Variants in KIAA1549L observed in about 807,000 individuals in gnomAD.
The protein encoded by KIAA1549L is UPF0606 protein KIAA1549L.
A neutral mutation model predicts 160.7 loss-of-function variants in KIAA1549L; 88 were observed. That is an observed-to-expected ratio of 0.55 (90% CI 0.46 to 0.65). KIAA1549L has a LOEUF of 0.65. Ranked by LOEUF, KIAA1549L falls within the 30% of genes least tolerant of loss-of-function variation. KIAA1549L has a pLI of 0.00. For synonymous variants in KIAA1549L, 950 were observed against 976.7 expected (o/e 0.97, Z 0.51); for missense variants, 2,258 against 2,437.5 (o/e 0.93, Z 1.55).
intron 1 of KIAA1549L, among the ~76,000 whole-genome samples, chr11:33,512,243 G>A (rs1853243351): frequency 6.6e-6 from 1 of 152,192 alleles, no homozygotes; most frequent in African/African-American, 2.4e-5. Context: ...TTCTTAGAGT[G>A]ATTGGAAGGT....
rs565888600 is a variant in KIAA1549L at position 33,629,608 on chromosome 11, G to C, written c.5409+10946G>C. Among the ~76,000 whole-genome samples the C allele has an allele frequency of 4.8e-3, 715 of 150,318 alleles. 3 individuals carry two copies. The highest frequency in any genetic ancestry group is 8.0e-3 in the Non-Finnish European group (543 of 67,564). On this transcript the variant is annotated intron_variant, in intron 16 of 20. Transcript: ENST00000658780. ...CTCCTGAGGCTTCTGCATTCTTCACGTAGTTCTCGAGCCTTGGTTTTCAGC... is the reference window on the plus strand; with the variant it reads ...CTCCTGAGGCTTCTGCATTCTTCACCTAGTTCTCGAGCCTTGGTTTTCAGC...
At chr11:33,494,019 G>A (rs928658661) in intron 1 of KIAA1549L, among the ~76,000 whole-genome samples, 1 of 152,204 alleles carries the variant, frequency 6.6e-6, no homozygotes, top group Non-Finnish European at 1.5e-5. Context: ...GGTGATTCCA[G>A]TGTGCAAGAA....
chr11:33,603,039 G>T lies in KIAA1549L; in HGVS notation c.4880-3602G>T, dbSNP rs185155661. On this transcript the variant is annotated intron_variant, in intron 13 of 20. Transcript: ENST00000658780. ...TCCAGAAGTGATAAAAATGCTAAGTGCCATCTCTTCACCCTCTGATGGGTT... is the reference window on the plus strand; with the variant it reads ...TCCAGAAGTGATAAAAATGCTAAGTTCCATCTCTTCACCCTCTGATGGGTT... 4.8e-3 allele frequency among the ~76,000 whole-genome samples: 723 copies of T among 152,206 alleles called. 2 individuals are homozygous for T. Among genetic ancestry groups the T allele is most frequent in the Non-Finnish European group, 7.5e-3 (509 of 67,992 alleles).
chr11:33,626,434 C>A (rs1245701905), intron 16 of KIAA1549L, among the ~76,000 whole-genome samples: 3 of 150,478 alleles, frequency 2.0e-5, no homozygotes, highest in Admixed American at 1.3e-4. Context: ...CTTTTATTTC[C>A]TTGAGCAGCG....
intron 1 of KIAA1549L, among the ~76,000 whole-genome samples, chr11:33,379,907 G>C (rs1477790251): frequency 6.6e-6 from 1 of 152,200 alleles, no homozygotes; most frequent in Non-Finnish European, 1.5e-5. Context: ...GGTGAATAAG[G>C]ACGAGGCAGT....
chr11:33,478,407 G>C (rs138501367), intron 1 of KIAA1549L, among the ~76,000 whole-genome samples: 6 of 152,344 alleles, frequency 3.9e-5, no homozygotes, highest in African/African-American at 1.4e-4. Context: ...GCCTGAACCC[G>C]TTGGGGGAGG....
chr11:33,377,912 C>T (rs976496915), intron 1 of KIAA1549L, among the ~76,000 whole-genome samples: 4 of 152,116 alleles, frequency 2.6e-5, no homozygotes. Context: ...GCCCATTTTC[C>T]TTCGATTCAC....
intron 1 of KIAA1549L, among the ~76,000 whole-genome samples, chr11:33,539,691 C>A (rs999522895): frequency 6.6e-6 from 1 of 152,110 alleles, no homozygotes; most frequent in Admixed American, 6.5e-5. Flanking sequence ...AAAGAAAGTT[C>A]CGGAGAGTCT....
intron 20 of KIAA1549L, among the ~76,000 whole-genome samples, chr11:33,667,045 C>T (rs549651055): frequency 6.6e-6 from 1 of 152,160 alleles, no homozygotes; most frequent in Non-Finnish European, 1.5e-5. Flanking sequence ...AATAAGGTAA[C>T]TAAGTGCTGG....
Position 33,645,677 on chromosome 11 carries a change from C to G in KIAA1549L, c.5410-9C>G. 6.2e-7 allele frequency: 1 copy of G among 1,602,440 alleles called. No homozygotes were observed. The highest frequency in any genetic ancestry group is 8.5e-7 in the Non-Finnish European group (1 of 1,170,018). The stretch of plus-strand genomic sequence containing the variant: ...TAAACACATCAATGGGCTTTGTTTC[C>G]TCCCACAGACTGAGCCTGAAATCAT... On this transcript the variant is annotated splice_polypyrimidine_tract_variant and intron_variant, in intron 16 of 20. Transcript: ENST00000658780.
chr11:33,589,842 C>T (rs958577166), intron 11 of KIAA1549L, among the ~76,000 whole-genome samples: 12 of 152,122 alleles, frequency 7.9e-5, no homozygotes, highest in African/African-American at 2.4e-4. Flanking sequence ...AGCACACCAA[C>T]GTGGCACATG....
chr11:33,644,631 A>C (rs369477943), intron 16 of KIAA1549L, among the ~76,000 whole-genome samples: 3 of 152,274 alleles, frequency 2.0e-5, no homozygotes, highest in African/African-American at 7.2e-5. Flanking sequence ...CTCATTTTAC[A>C]GATGAGGAAA....
At chr11:33,417,633 C>G (rs1850914962) in intron 1 of KIAA1549L, among the ~76,000 whole-genome samples, 1 of 152,180 alleles carries the variant, frequency 6.6e-6, no homozygotes, top group Non-Finnish European at 1.5e-5. Context: ...TCCAACATCT[C>G]ATGGCTGCAT....
At chr11:33,504,510 C>T (rs568206505) in intron 1 of KIAA1549L, among the ~76,000 whole-genome samples, 1 of 151,998 alleles carries the variant, frequency 6.6e-6, no homozygotes, top group East Asian at 1.9e-4. Flanking sequence ...CTCTGTTGCC[C>T]AGGCTGGAGC....
chr11:33,654,521 A>T (rs767500214), intron 17 of KIAA1549L, among the ~76,000 whole-genome samples: 22 of 152,168 alleles, frequency 1.4e-4, no homozygotes, highest in Non-Finnish European at 2.9e-4. Context: ...CTTCTGCCTG[A>T]GCTGGGATCA....
Position 33,542,696 on chromosome 11 carries a change from A to T in KIAA1549L, c.1133A>T (p.Glu378Val), listed in dbSNP as rs376582725. The change falls in exon 2 of 21, where the codon GAA becomes GTA. Residue 378 changes from glutamate to valine, a missense_variant. Glu to Val is a moderately radical substitution (Grantham distance 121). Around this residue, in one of 6 missense-constraint regions of KIAA1549L, gnomAD observed 540 missense variants for 465.7 expected, o/e 1.16. Coordinates refer to ENST00000658780, the MANE Select transcript of KIAA1549L (RefSeq NM_012194.3). ...GGAAGCCCCTCATGGTCAATGTTGGAAGTGGCTTCAGGTCCTGCATCCACC... is the reference window on the plus strand; with the variant it reads ...GGAAGCCCCTCATGGTCAATGTTGGTAGTGGCTTCAGGTCCTGCATCCACC... ...PDGSPSWSML[E>V]VASGPASTQQ... 6.2e-7 allele frequency: 1 copy of T among 1,613,946 alleles called. No homozygotes were observed. Among genetic ancestry groups the T allele is most frequent in the Non-Finnish European group, 8.5e-7 (1 of 1,179,850 alleles).
chr11:33,406,721 T>A (rs531344806), intron 1 of KIAA1549L, among the ~76,000 whole-genome samples: 1 of 152,364 alleles, frequency 6.6e-6, no homozygotes, highest in Admixed American at 6.5e-5. Flanking sequence ...TCACTGCATC[T>A]TTCTTCACGA....
At chr11:33,554,125 A>G (rs986619081) in intron 6 of KIAA1549L, among the ~76,000 whole-genome samples, 1 of 152,180 alleles carries the variant, frequency 6.6e-6, no homozygotes, top group South Asian at 2.1e-4. Flanking sequence ...TATATTATGC[A>G]TGGTAACTTC....
At chr11:33,504,634 A>G (rs185073682) in intron 1 of KIAA1549L, among the ~76,000 whole-genome samples, 110 of 151,974 alleles carry the variant, frequency 7.2e-4, no homozygotes, top group Non-Finnish European at 1.0e-3. Context: ...CACCCAGCTA[A>G]TTTTTGTATC....
Sources: gnomAD v4.1 joint callset for allele counts (sites outside exome capture counted in the v4.1 genomes callset) on GRCh38, gnomAD v4.1.1 for gene constraint, gnomAD v4.1.1 regional missense constraint, MANE v1.5 for transcripts, NCBI Gene and HGNC (gene_info 2026-07-23, HGNC 2026-07-21) for gene names.